Variants in WWOX observed in about 807,000 individuals in gnomAD.
The protein encoded by WWOX is WW domain-containing oxidoreductase.
A neutral mutation model predicts 46.2 loss-of-function variants in WWOX; 69 were observed. That is an observed-to-expected ratio of 1.49 (90% confidence interval 1.23 to 1.82). The LOEUF (loss-of-function observed/expected upper bound fraction) is 1.82, where lower values mean the gene tolerates loss of function less well. Among genes scored for constraint, WWOX ranks in the 40% most tolerant of loss-of-function variants. WWOX has a pLI of 0.00. For synonymous variants in WWOX, 359 were observed against 202.6 expected (o/e 1.77, Z -6.56); for missense variants, 919 against 542.6 (o/e 1.69, Z -6.89).
At chr16:78,766,041 G>A (rs2049918023) in intron 8 of WWOX, among the ~76,000 whole-genome samples, 1 of 152,200 alleles carries the variant, frequency 6.6e-6, no homozygotes, top group Non-Finnish European at 1.5e-5. Flanking sequence ...ACAGAGCCCA[G>A]GCACACAGAT....
At chr16:78,776,257 A>C (rs1197833542) in intron 8 of WWOX, among the ~76,000 whole-genome samples, 2 of 151,622 alleles carry the variant, frequency 1.3e-5, no homozygotes, top group Non-Finnish European at 2.9e-5. Context: ...CACAGGCTAC[A>C]TTGGCTTGGC....
rs185838904 is a variant in WWOX, at chr16:78,654,460, A to T, written c.1056+221708A>T. On this transcript the variant is annotated intron_variant, in intron 8 of 8. Transcript: ENST00000566780. ...TATAGTAATGAACAAAACAGATGTT[A>T]TCTCTACCCTTATGGTTTTTATATT... Among the ~76,000 whole-genome samples, 265 of 152,344 alleles carry T rather than the reference A, an allele frequency of 1.7e-3. 1 individual carries two copies. Among genetic ancestry groups the T allele is most frequent in the Non-Finnish European group, 3.0e-3 (206 of 68,032 alleles).
intron 8 of WWOX, among the ~76,000 whole-genome samples, chr16:78,701,146 T>C (rs1332815222): frequency 3.3e-5 from 5 of 152,166 alleles, no homozygotes; most frequent in Non-Finnish European, 5.9e-5. Context: ...GAAATAATGA[T>C]ACATAAAGCA....
At chr16:78,408,649 T>C (rs970338492) in intron 6 of WWOX, among the ~76,000 whole-genome samples, 1 of 152,210 alleles carries the variant, frequency 6.6e-6, no homozygotes, top group Non-Finnish European at 1.5e-5. Flanking sequence ...TGTCATTCCG[T>C]TGTGCCTGTC....
intron 8 of WWOX, among the ~76,000 whole-genome samples, chr16:78,543,013 A>G (rs1264367910): frequency 6.6e-6 from 1 of 152,196 alleles, no homozygotes; most frequent in African/African-American, 2.4e-5. Context: ...GACTGTGTAT[A>G]TGTCCAGAAG....
chr16:78,902,942 G>C (rs781436181), intron 8 of WWOX, among the ~76,000 whole-genome samples: 1 of 152,224 alleles, frequency 6.6e-6, no homozygotes, highest in Admixed American at 6.5e-5. Flanking sequence ...TCGCGGCTGA[G>C]TCGAGGATCC....
At chr16:78,374,527 A>ATTTT (rs541225697) in intron 5 of WWOX, among the ~76,000 whole-genome samples, 9 of 70,898 alleles carry the variant, frequency 1.3e-4, no homozygotes, top group East Asian at 1.2e-3. Flanking sequence ...TCTGTCTTGA[A>ATTTT]TTTTTTTTTT....
In WWOX at chr16:78,825,313, G is replaced by C. The variant is rs557696670; in HGVS notation, c.1057-386295G>C. 4 of 303,130 alleles carry C rather than the reference G, an allele frequency of 1.3e-5. No individual in the cohort carries two copies. The South Asian group carries it at 1.6e-4, about 12-fold the overall frequency. The allele number at this position is 303,130 out of a possible 1,614,324, so 18.8% of individuals were successfully genotyped here. A position where few individuals can be genotyped will look rare whatever the true frequency, so the allele number is the denominator to read the frequency against. On this transcript the variant is annotated intron_variant, in intron 8 of 8. Coordinates refer to ENST00000566780, the MANE Select transcript of WWOX (RefSeq NM_016373.4). ...CGCGAATTTCCAAGAAGAGGATGTT[G>C]GTCGCTGATGGCATCTTCAAAGCTG...
chr16:78,786,192 G>C (rs1485164244), intron 8 of WWOX, among the ~76,000 whole-genome samples: 1 of 152,186 alleles, frequency 6.6e-6, no homozygotes, highest in African/African-American at 2.4e-5. Context: ...TTACAGGCGT[G>C]AGCCACCGCG....
At chr16:78,875,209 C>T (rs1043020611) in intron 8 of WWOX, among the ~76,000 whole-genome samples, 1 of 152,084 alleles carries the variant, frequency 6.6e-6, no homozygotes, top group Non-Finnish European at 1.5e-5. Flanking sequence ...TGAGGAAGAG[C>T]CAGCTCAAAT....
intron 8 of WWOX, among the ~76,000 whole-genome samples, chr16:78,562,328 A>G (rs369607952): frequency 7.2e-5 from 11 of 152,216 alleles, no homozygotes; most frequent in African/African-American, 2.7e-4. Flanking sequence ...CATATTCTGC[A>G]TCTACTCTGA....
chr16:79,040,559 A>C (rs1204927410), intron 8 of WWOX, among the ~76,000 whole-genome samples: 1 of 152,116 alleles, frequency 6.6e-6, no homozygotes. Flanking sequence ...TACAGGTATC[A>C]GCCACTGGGC....
intron 5 of WWOX, among the ~76,000 whole-genome samples, chr16:78,236,478 T>A (rs777846055): frequency 1.3e-5 from 2 of 152,198 alleles, no homozygotes; most frequent in African/African-American, 2.4e-5. Context: ...CCTTTCCATG[T>A]CAGGGACACC....
intron 8 of WWOX, among the ~76,000 whole-genome samples, chr16:78,456,247 A>G (rs914759055): frequency 6.6e-6 from 1 of 152,196 alleles, no homozygotes; most frequent in Non-Finnish European, 1.5e-5. Context: ...CATTTTTAAC[A>G]TAGACACCAA....
intron 8 of WWOX, among the ~76,000 whole-genome samples, chr16:78,539,242 A>T (rs1597233552): frequency 6.6e-6 from 1 of 152,228 alleles, no homozygotes; most frequent in African/African-American, 2.4e-5. Context: ...TAGGTTAGTA[A>T]TTAGATGCAC....
chr16:78,928,105 G>C (rs148664229), intron 8 of WWOX, among the ~76,000 whole-genome samples: 110 of 151,874 alleles, frequency 7.2e-4, no homozygotes, highest in African/African-American at 2.4e-3. Flanking sequence ...CCTTTTGTCC[G>C]TATGTATTTA....
chr16:78,396,839 T>A (rs1301183979), intron 6 of WWOX, among the ~76,000 whole-genome samples: 2 of 152,162 alleles, frequency 1.3e-5, no homozygotes, highest in Non-Finnish European at 2.9e-5. Context: ...GGACAACACA[T>A]AAATAACTGG....
At chr16:78,880,854 A>T (rs893560750) in intron 8 of WWOX, among the ~76,000 whole-genome samples, 12 of 152,144 alleles carry the variant, frequency 7.9e-5, no homozygotes, top group Non-Finnish European at 1.8e-4. Flanking sequence ...CGATTCAGAG[A>T]AATGCTCTGC....
rs115521698 is a variant in WWOX at position 78,689,571 on chromosome 16, A to T, written c.1056+256819A>T. Among the ~76,000 whole-genome samples the T allele has an allele frequency of 8.6e-5, 13 of 151,790 alleles. No homozygotes were observed. The East Asian group carries it at 2.3e-3, about 27-fold the overall frequency. ...AAGTCAGTCTAGAGAGAATCCCTTC[A>T]CCCTTCATGTCTGATCACCCTTGCC... On this transcript the variant is annotated intron_variant, in intron 8 of 8. Coordinates refer to ENST00000566780, the MANE Select transcript of WWOX (RefSeq NM_016373.4).
Sources: gnomAD v4.1 joint callset for allele counts (sites outside exome capture counted in the v4.1 genomes callset) on GRCh38, gnomAD v4.1.1 for gene constraint, MANE v1.5 for transcripts, NCBI Gene and HGNC (gene_info 2026-07-23, HGNC 2026-07-21) for gene names.